The following VGLL4 variants were observed in gnomAD, a reference collection of about 807,000 sequenced individuals.
VGLL4 encodes transcription cofactor vestigial-like protein 4.
In VGLL4, 7 loss-of-function variants were observed where a neutral mutation model predicts 21.0. The observed-to-expected ratio is 0.33, with a 90% confidence interval of 0.19 to 0.63. The LOEUF is 0.63. VGLL4 is among the 20% of genes least tolerant of loss of function. The pLI, the probability that VGLL4 is intolerant of heterozygous loss-of-function variation, is 0.78. For missense variants in VGLL4, 394 were observed against 425.7 expected, an observed-to-expected ratio of 0.93 and a Z score of 0.66; for synonymous variants, 222 against 173.2, an observed-to-expected ratio of 1.28 and a Z score of -2.21.
intron 2 of VGLL4, among the ~76,000 whole-genome samples, chr3:11,650,777 T>A (rs1003345687): frequency 6.6e-6 from 1 of 151,774 alleles, no homozygotes; most frequent in Admixed American, 6.6e-5. Context: ...TAAATAATAT[T>A]CAAAACAGAC....
chr3:11,675,793 CA>C (rs1410814727), intron 2 of VGLL4, among the ~76,000 whole-genome samples: 1 of 151,994 alleles, frequency 6.6e-6, no homozygotes, highest in Non-Finnish European at 1.5e-5. Flanking sequence ...AAGTTATACC[CA>C]ATAGAGTTGA....
At chr3:11,592,571 G>T (rs529162444) in intron 2 of VGLL4, among the ~76,000 whole-genome samples, 4 of 152,306 alleles carry the variant, frequency 2.6e-5, no homozygotes, top group African/African-American at 9.6e-5. Flanking sequence ...AGTAGTGTGT[G>T]GTTTGAGAGT....
At chr3:11,645,276 T>G (rs2075771662), upstream of VGLL4, among the ~76,000 whole-genome samples, 1 of 151,880 alleles carries the variant, frequency 6.6e-6, no homozygotes, top group Non-Finnish European at 1.5e-5. Flanking sequence ...AATAAATAAT[T>G]TGAAGGAGTT....
In VGLL4 at chr3:11,573,308, GAAGGAAGGAAGAAAGAAAGAAAGAAAGA is replaced by G. The variant is rs2073903896; in HGVS notation, c.273-8317_273-8290del. Among the ~76,000 whole-genome samples, 34 of 23,018 alleles carry G rather than the reference GAAGGAAGGAAGAAAGAAAGAAAGAAAGA, an allele frequency of 1.5e-3. 2 individuals are homozygous for G. The highest frequency in any genetic ancestry group is 8.9e-3 in the African/African-American group (29 of 3,242). The allele number at this position is 23,018 out of a possible 152,430, so 15.1% of individuals were successfully genotyped here. A position where few individuals can be genotyped will look rare whatever the true frequency, so the allele number is the denominator to read the frequency against. On this transcript the variant is annotated intron_variant, in intron 2 of 4. Transcript: ENST00000430365. ...GAAAGAAAGAAAGAAAGAAAGAAAG[GAAGGAAGGAAGAAAGAAAGAAAGAAAGA>G]AAGAAAGAAAGAAAGAAAGAAAGAA...
intron 2 of VGLL4, among the ~76,000 whole-genome samples, chr3:11,701,077 A>G (rs571402611): frequency 6.6e-6 from 1 of 152,150 alleles, no homozygotes; most frequent in African/African-American, 2.4e-5. Context: ...ACGCATGATG[A>G]TAAGGTTTGG....
intron 2 of VGLL4, among the ~76,000 whole-genome samples, chr3:11,665,767 A>C (rs2076114194): frequency 6.6e-6 from 1 of 152,252 alleles, no homozygotes; most frequent in Non-Finnish European, 1.5e-5. Context: ...ACAGTCAACA[A>C]AATGAGACAA....
At chr3:11,636,890 T>C (rs553529355) in intron 1 of VGLL4, among the ~76,000 whole-genome samples, 4 of 152,294 alleles carry the variant, frequency 2.6e-5, no homozygotes, top group African/African-American at 7.2e-5. Flanking sequence ...CTGGGACATA[T>C]ATTATCTGTA....
chr3:11,629,675 A>G (rs2075434563), intron 1 of VGLL4, among the ~76,000 whole-genome samples: 1 of 144,636 alleles, frequency 6.9e-6, no homozygotes, highest in Admixed American at 7.3e-5. Flanking sequence ...TGAACCCGGG[A>G]GGCAGAGGCG....
At position 11,719,999 on chromosome 3, in the gene VGLL4, T is replaced by C. The variant is rs556867207; in HGVS notation, c.-14+395A>G. ...CAGGGGACACAGCGCCGTGCAAATG[T>C]ACAAACACAAACGCACATTTCGTGC... On this transcript the variant is annotated intron_variant, in intron 1 of 5. Transcript: ENST00000273038. The surrounding 1 kb of genome is among the most constrained non-coding windows in gnomAD (Gnocchi z 4.0). 6.6e-6 allele frequency among the ~76,000 whole-genome samples: 1 copy of C among 152,152 alleles called. No individual in the cohort carries two copies. Among genetic ancestry groups the C allele is most frequent in the African/African-American group, 2.4e-5 (1 of 41,532 alleles).
intron 2 of VGLL4, among the ~76,000 whole-genome samples, chr3:11,574,779 C>CTGTG (rs972259363): frequency 2.5e-5 from 3 of 121,792 alleles, no homozygotes; most frequent in African/African-American, 9.3e-5. Flanking sequence ...GTCAATTCAA[C>CTGTG]TATATATGTG....
At position 11,558,736 on chromosome 3, in the gene VGLL4, C is replaced by T; in HGVS notation, c.711G>A (p.Val237=). The T allele has an allele frequency of 1.2e-6, 2 of 1,614,194 alleles. No homozygotes were observed. The highest frequency in any genetic ancestry group is 1.7e-6 in the Non-Finnish European group (2 of 1,180,040). The stretch of plus-strand genomic sequence containing the variant: ...GGTCGTCCACGGAGCCCGTGATGGA[C>T]ACGGAGTTGGGTGCCGGCTCGGGCT... ...YKEPEPAPNS[V]SITGSVDDHF... The change falls in exon 5 of 5, where the codon GTG becomes GTA. Residue 237 remains valine, a synonymous_variant. Transcript: ENST00000430365.
chr3:11,620,485 A>G (rs1000868368), intron 1 of VGLL4, among the ~76,000 whole-genome samples: 1 of 152,168 alleles, frequency 6.6e-6, no homozygotes, highest in Non-Finnish European at 1.5e-5. Context: ...CAAAGGCGTT[A>G]GCACCCCAGG....
chr3:11,632,414 A>T (rs1466322347), intron 1 of VGLL4, among the ~76,000 whole-genome samples: 1 of 152,236 alleles, frequency 6.6e-6, no homozygotes, highest in Non-Finnish European at 1.5e-5. Flanking sequence ...CTTTCTTTTT[A>T]AAAAAGGCTA....
chr3:11,662,601 C>A (rs1559931335), intron 2 of VGLL4, among the ~76,000 whole-genome samples: 1 of 152,214 alleles, frequency 6.6e-6, no homozygotes, highest in Non-Finnish European at 1.5e-5. Flanking sequence ...ACTGAGAAAG[C>A]TGAATGCTCT....
chr3:11,666,225 T>C (rs1361155441), intron 2 of VGLL4, among the ~76,000 whole-genome samples: 1 of 138,714 alleles, frequency 7.2e-6, no homozygotes, highest in Non-Finnish European at 1.5e-5. Flanking sequence ...CACTCCAGCC[T>C]GGGTGAGAGC....
At chr3:11,711,599 C>G (rs2076847805) in intron 1 of VGLL4, among the ~76,000 whole-genome samples, 1 of 151,938 alleles carries the variant, frequency 6.6e-6, no homozygotes, top group Non-Finnish European at 1.5e-5. Flanking sequence ...TGCCTGTAGT[C>G]CCAGCTACTT....
chr3:11,622,329 TA>T (rs908187808), intron 1 of VGLL4, among the ~76,000 whole-genome samples: 30 of 152,214 alleles, frequency 2.0e-4, no homozygotes, highest in African/African-American at 6.3e-4. Context: ...AACTCCTGGA[TA>T]ATAAATAACA....
At chr3:11,683,264 T>C (rs1334880086) in intron 2 of VGLL4, among the ~76,000 whole-genome samples, 1 of 152,038 alleles carries the variant, frequency 6.6e-6, no homozygotes, top group African/African-American at 2.4e-5. Flanking sequence ...TGGCCATTTA[T>C]TAAAAAGTCA....
rs35364570 is a variant in VGLL4 at position 11,654,080 on chromosome 3, A to ACC, written c.64+48889_64+48890dup. 8.1e-3 allele frequency among the ~76,000 whole-genome samples: 1,216 copies of ACC among 150,798 alleles called. 26 individuals carry two copies. Among genetic ancestry groups the ACC allele is most frequent in the African/African-American group, 0.029 (1,168 of 40,494 alleles). Reference sequence around the variant, plus strand: ...CCAAACATCCTACAATGCATAGGACACCCCCCACCACCACCACCACAACAA... The same window carrying ACC: ...CCAAACATCCTACAATGCATAGGACACCCCCCCCACCACCACCACCACAACAA... On this transcript the variant is annotated intron_variant, in intron 2 of 5. Coordinates refer to the VGLL4 transcript ENST00000273038.
Sources: allele counts gnomAD v4.1 joint callset (sites outside exome capture counted in the v4.1 genomes callset), GRCh38; gene constraint gnomAD v4.1.1; non-coding constraint Gnocchi (gnomAD v3.1); transcripts MANE v1.5; gene names NCBI Gene and HGNC (gene_info 2026-07-23, HGNC 2026-07-21).